Variants in MPRIP observed in about 807,000 individuals in gnomAD.
The protein encoded by MPRIP is myosin phosphatase Rho interacting protein.
In MPRIP, 59 loss-of-function variants were observed where a neutral mutation model predicts 234.9. That is an observed-to-expected ratio of 0.25 (90% CI 0.20 to 0.31). The LOEUF is 0.31. Ranked by LOEUF, MPRIP falls within the 10% of genes least tolerant of loss-of-function variation. The probability of loss-of-function intolerance (pLI) is 1.00; values close to 1 mark genes in which losing one functional copy is unlikely to be tolerated. For synonymous variants in MPRIP, 1,144 were observed against 1,263.9 expected (o/e 0.91, Z 2.01); for missense variants, 2,436 against 3,071.0 (o/e 0.79, Z 4.89).
intron 4 of MPRIP, 87 bp from the exon 5 acceptor site, chr17:17,131,530 A>T: frequency 9.0e-7 from 1 of 1,110,768 alleles, no homozygotes; most frequent in Non-Finnish European, 1.4e-6. Flanking sequence ...GCCCTGCTCT[A>T]CTCCTGGACC....
At position 17,074,097 on chromosome 17, in the gene MPRIP, G is replaced by C. The variant is rs922277888; in HGVS notation, c.124-1613G>C. The stretch of plus-strand genomic sequence containing the variant: ...CGTGGCCTGCCCTCTCTGAGTCACG[G>C]TCTGCAGCTACCAAATGAGGTAGTG... On this transcript the variant is annotated intron_variant, in intron 1 of 23. Coordinates refer to ENST00000651222, the MANE Select transcript of MPRIP (RefSeq NM_001364716.4). Among the ~76,000 whole-genome samples the C allele has an allele frequency of 2.0e-5, 3 of 152,348 alleles. No homozygotes were observed. The East Asian group carries it at 5.8e-4, about 29-fold the overall frequency.
chr17:17,075,085 C>T (rs1297409374), intron 1 of MPRIP, among the ~76,000 whole-genome samples: 2 of 152,124 alleles, frequency 1.3e-5, no homozygotes, highest in Non-Finnish European at 2.9e-5. Flanking sequence ...GTGGCAGCAC[C>T]GTTTTACATC....
intron 1 of MPRIP, among the ~76,000 whole-genome samples, chr17:17,073,182 C>T (rs1303256946): frequency 1.3e-5 from 2 of 151,858 alleles, no homozygotes; most frequent in Non-Finnish European, 2.9e-5. Flanking sequence ...GTGTCACCTG[C>T]ATCCCAGCCT....
intron 3 of MPRIP, among the ~76,000 whole-genome samples, chr17:17,111,581 G>A (rs918584748): frequency 2.0e-5 from 3 of 152,228 alleles, no homozygotes; most frequent in Non-Finnish European, 4.4e-5. Flanking sequence ...TGGCCCCTGA[G>A]AGACCATGCT....
In MPRIP at chr17:17,174,042, G is replaced by T; in HGVS notation, c.6717G>T (p.Gln2239His). 2 of 1,613,436 alleles carry T rather than the reference G, an allele frequency of 1.2e-6. No individual in the cohort carries two copies. Among genetic ancestry groups the T allele is most frequent in the South Asian group, 2.2e-5 (2 of 91,082 alleles). The part of the protein sequence containing the change: ...EAERQALRQC[Q>H]RENQELNAHN... The stretch of plus-strand genomic sequence containing the variant: ...AGCGGCAGGCCCTGCGGCAGTGCCA[G>T]CGTGAGAACCAGGAGCTCAATGCCC... The change falls in exon 19 of 24, where the codon CAG becomes CAT. Residue 2239 changes from glutamine to histidine, a missense_variant. By Grantham distance (24) the Gln-to-His change is conservative. Around this residue, in one of 4 missense-constraint regions of MPRIP, gnomAD observed 1,998 missense variants for 2,520.3 expected, o/e 0.79. Coordinates refer to ENST00000651222, the MANE Select transcript of MPRIP (RefSeq NM_001364716.4).
intron 15 of MPRIP, among the ~76,000 whole-genome samples, chr17:17,161,841 A>C (rs1364856944): frequency 6.6e-6 from 1 of 151,972 alleles, no homozygotes; most frequent in Non-Finnish European, 1.5e-5. Flanking sequence ...TTTCTATACC[A>C]CACCTGGCAG....
intron 3 of MPRIP, among the ~76,000 whole-genome samples, chr17:17,102,377 A>G (rs928907750): frequency 1.6e-4 from 25 of 152,342 alleles, no homozygotes; most frequent in South Asian, 8.3e-4. Context: ...AAGAAAGCCA[A>G]TCCCTCTGCT....
At chr17:17,177,159 T>G in intron 21 of MPRIP, 91 bp from the exon 22 acceptor site, 1 of 1,295,970 alleles carries the variant, frequency 7.7e-7, no homozygotes, top group Admixed American at 1.8e-5. Flanking sequence ...CAAGCCTCCC[T>G]ACCGTGTTCA....
chr17:17,143,067 T>C (rs1597453478), intron 8 of MPRIP, among the ~76,000 whole-genome samples: 2 of 152,164 alleles, frequency 1.3e-5, no homozygotes, highest in African/African-American at 4.8e-5. Flanking sequence ...CCTTCCTAAC[T>C]CTTTCTTTCA....
At chr17:17,116,247 G>A (rs1251875815) in intron 3 of MPRIP, among the ~76,000 whole-genome samples, 1 of 152,202 alleles carries the variant, frequency 6.6e-6, no homozygotes, top group East Asian at 1.9e-4. Flanking sequence ...ATGGGCCATG[G>A]CCTCTGCACA....
At chr17:17,135,276 T>G (rs893244479) in intron 5 of MPRIP, among the ~76,000 whole-genome samples, 3 of 53,694 alleles carry the variant, frequency 5.6e-5, no homozygotes, top group African/African-American at 2.2e-4. Context: ...CCACAAACAC[T>G]TCTCCCTCGG....
At position 17,155,101 on chromosome 17, in the gene MPRIP, G is replaced by T. The variant is rs559182933; in HGVS notation, c.1829+686G>T. On this transcript the variant is annotated intron_variant, in intron 13 of 23. Coordinates refer to ENST00000651222, the MANE Select transcript of MPRIP (RefSeq NM_001364716.4). ...GAACTCTGCTGTCCCCACCTTCAGA[G>T]CCTCCACGCATCTGAGCACCTCTGG... 1.2e-4 allele frequency among the ~76,000 whole-genome samples: 19 copies of T among 152,306 alleles called. No homozygotes were observed. In the East Asian group the frequency reaches 3.1e-3, roughly 25 times the overall value.
chr17:17,133,763 C>T (rs751147986), intron 5 of MPRIP, among the ~76,000 whole-genome samples: 71 of 152,180 alleles, frequency 4.7e-4, no homozygotes, highest in Non-Finnish European at 9.0e-4. Context: ...GCGGGAGTCT[C>T]AATAGAGTCT....
intron 10 of MPRIP, among the ~76,000 whole-genome samples, chr17:17,146,302 G>C (rs1173654446): frequency 6.6e-6 from 1 of 152,226 alleles, no homozygotes; most frequent in Non-Finnish European, 1.5e-5. Flanking sequence ...GGGTGCTCTG[G>C]AGGGGCACTC....
At chr17:17,178,507 T>G (rs2144698550) in intron 22 of MPRIP, 1 of 149,032 alleles carries the variant, frequency 6.7e-6, no homozygotes, top group Middle Eastern at 3.9e-3. Context: ...CAAAGCTAAG[T>G]CGATCAGGTG....
intron 3 of MPRIP, among the ~76,000 whole-genome samples, chr17:17,090,025 C>T (rs570687232): frequency 6.6e-6 from 1 of 152,216 alleles, no homozygotes; most frequent in Non-Finnish European, 1.5e-5. Flanking sequence ...TTCACTGATT[C>T]AACCCCAGGG....
intron 7 of MPRIP, among the ~76,000 whole-genome samples, chr17:17,140,818 G>T (rs76019432): frequency 6.6e-6 from 1 of 152,184 alleles, no homozygotes; most frequent in Non-Finnish European, 1.5e-5. Flanking sequence ...TGGCAGCAAG[G>T]ACAGCTCCCC....
chr17:17,147,870 T>A (rs2045512609), intron 11 of MPRIP, among the ~76,000 whole-genome samples: 1 of 152,184 alleles, frequency 6.6e-6, no homozygotes. Flanking sequence ...ACAGTCCTGA[T>A]TCTGTGGTCA....
intron 3 of MPRIP, among the ~76,000 whole-genome samples, chr17:17,125,197 G>A (rs922183832): frequency 1.3e-5 from 2 of 152,238 alleles, no homozygotes; most frequent in Admixed American, 6.5e-5. Context: ...GCACTGAGCT[G>A]GGCTTGAATG....
Sources: allele counts gnomAD v4.1 joint callset (sites outside exome capture counted in the v4.1 genomes callset), GRCh38; gene constraint gnomAD v4.1.1; regional missense constraint gnomAD v4.1.1; transcripts MANE v1.5; gene names NCBI Gene and HGNC (gene_info 2026-07-23, HGNC 2026-07-21).